The following DPYD variants were observed in gnomAD, a reference collection of about 807,000 sequenced individuals.
DPYD encodes dihydropyrimidine dehydrogenase [NADP(+)].
In DPYD, 109 loss-of-function variants were observed where a neutral mutation model predicts 116.2. That is an observed-to-expected ratio of 0.94 (90% confidence interval 0.80 to 1.10). The LOEUF is 1.10. Ranked by LOEUF, DPYD falls within the 50% of genes least tolerant of loss-of-function variation. The pLI, the probability that DPYD is intolerant of heterozygous loss-of-function variation, is 0.00. For synonymous variants in DPYD, 440 were observed against 432.0 expected (o/e 1.02, Z -0.23); for missense variants, 1,302 against 1,254.5 (o/e 1.04, Z -0.57).
chr1:97,664,293 G>A (rs964445374), intron 8 of DPYD, among the ~76,000 whole-genome samples: 6 of 151,524 alleles, frequency 4.0e-5, no homozygotes, highest in African/African-American at 1.5e-4. Context: ...AGGTCATGAG[G>A]GCATATATAT....
intron 12 of DPYD, among the ~76,000 whole-genome samples, chr1:97,541,456 G>A (rs1170797448): frequency 1.3e-5 from 2 of 152,074 alleles, no homozygotes; most frequent in Non-Finnish European, 2.9e-5. Flanking sequence ...CGAAGGTCTT[G>A]TACCACTTTT....
rs575922655 is a variant in DPYD, at chr1:97,527,368, T to C, written c.1525-11427A>G. On this transcript the variant is annotated intron_variant, in intron 12 of 22. Coordinates refer to ENST00000370192, the MANE Select transcript of DPYD (RefSeq NM_000110.4). ...CTGGGATTACAGGCGTGAGCCACCA[T>C]GCCCAGCTGCTGCCCCCATCTTACA... 5.5e-3 allele frequency among the ~76,000 whole-genome samples: 832 copies of C among 152,200 alleles called. 3 individuals carry two copies. The highest frequency in any genetic ancestry group is 0.012 in the African/African-American group (491 of 41,548).
chr1:97,313,806 T>C (rs532321677), intron 16 of DPYD, among the ~76,000 whole-genome samples: 1 of 152,070 alleles, frequency 6.6e-6, no homozygotes, highest in South Asian at 2.1e-4. Flanking sequence ...TATCACAGTG[T>C]TTTATAGTCA....
chr1:97,314,523 A>G (rs1307872818), intron 16 of DPYD, among the ~76,000 whole-genome samples: 1 of 145,404 alleles, frequency 6.9e-6, no homozygotes, highest in Non-Finnish European at 1.5e-5. Flanking sequence ...CAAATGGACA[A>G]GAATTGCCAT....
intron 13 of DPYD, among the ~76,000 whole-genome samples, chr1:97,463,596 C>G (rs1363456066): frequency 6.6e-6 from 1 of 152,014 alleles, no homozygotes; most frequent in Non-Finnish European, 1.5e-5. Flanking sequence ...GTTTGGAGAG[C>G]TCAGAAAAAG....
At chr1:97,837,412 A>G (rs1305988724) in intron 2 of DPYD, among the ~76,000 whole-genome samples, 2 of 152,150 alleles carry the variant, frequency 1.3e-5, no homozygotes, top group East Asian at 3.8e-4. Flanking sequence ...TTCAGAAGGC[A>G]TTTTAAAATT....
intron 20 of DPYD, among the ~76,000 whole-genome samples, chr1:97,144,158 A>G (rs1179148245): frequency 1.3e-5 from 2 of 152,220 alleles, no homozygotes; most frequent in African/African-American, 4.8e-5. Context: ...TGACTTTTTA[A>G]AGCAAAAAGA....
At chr1:97,358,138 C>T (rs770553457) in intron 16 of DPYD, among the ~76,000 whole-genome samples, 14 of 152,206 alleles carry the variant, frequency 9.2e-5, no homozygotes, top group South Asian at 2.1e-4. Context: ...AATGGCACAC[C>T]AGGAGATTAT....
intron 3 of DPYD, among the ~76,000 whole-genome samples, chr1:97,796,218 G>C (rs993205312): frequency 6.6e-6 from 1 of 152,012 alleles, no homozygotes. Context: ...AATTCTGTTA[G>C]GTAGGCATTA....
At chr1:97,802,966 A>G (rs943488955) in intron 3 of DPYD, among the ~76,000 whole-genome samples, 5 of 151,944 alleles carry the variant, frequency 3.3e-5, no homozygotes, top group African/African-American at 1.2e-4. Flanking sequence ...GGCAAAGTTT[A>G]AATGATTCAA....
chr1:97,757,142 A>T (rs1665296442), intron 3 of DPYD, among the ~76,000 whole-genome samples: 1 of 152,206 alleles, frequency 6.6e-6, no homozygotes, highest in Admixed American at 6.5e-5. Flanking sequence ...TGTTAGGTCC[A>T]GGGTCAAGGG....
intron 1 of DPYD, among the ~76,000 whole-genome samples, chr1:97,906,318 A>G (rs1673617813): frequency 6.6e-6 from 1 of 152,094 alleles, no homozygotes; most frequent in Non-Finnish European, 1.5e-5. Context: ...GTGAATTTAT[A>G]ACATGCTTAT....
At chr1:97,869,274 T>C (rs755888135) in intron 2 of DPYD, among the ~76,000 whole-genome samples, 1 of 151,846 alleles carries the variant, frequency 6.6e-6, no homozygotes, top group Non-Finnish European at 1.5e-5. Context: ...TCTATGCCAA[T>C]AAACTTGTGG....
chr1:97,510,403 T>C (rs536420081), intron 13 of DPYD, among the ~76,000 whole-genome samples: 2 of 152,094 alleles, frequency 1.3e-5, no homozygotes, highest in African/African-American at 4.8e-5. Flanking sequence ...GTGTTGGGTA[T>C]ATGGAAGATA....
intron 8 of DPYD, among the ~76,000 whole-genome samples, chr1:97,617,388 G>T (rs2786506): frequency 0.015 from 2,325 of 152,234 alleles, 51 homozygotes; most frequent in African/African-American, 0.053. Flanking sequence ...AGCAACAGTG[G>T]CTGTGTCAGA....
At chr1:97,137,815 A>G (rs1007552117) in intron 20 of DPYD, among the ~76,000 whole-genome samples, 5 of 152,318 alleles carry the variant, frequency 3.3e-5, no homozygotes, top group African/African-American at 1.2e-4. Flanking sequence ...CATCTTGGGA[A>G]CATCTCTGGC....
intron 11 of DPYD, among the ~76,000 whole-genome samples, chr1:97,552,266 G>T (rs1227556665): frequency 6.6e-6 from 1 of 152,068 alleles, no homozygotes; most frequent in Non-Finnish European, 1.5e-5. Context: ...ACAGTGAATT[G>T]TACACAGGAG....
intron 20 of DPYD, among the ~76,000 whole-genome samples, chr1:97,159,453 A>C (rs1329328037): frequency 6.6e-6 from 1 of 152,006 alleles, no homozygotes; most frequent in Non-Finnish European, 1.5e-5. Flanking sequence ...TGAAGTTCTA[A>C]TATATATTCA....
intron 18 of DPYD, among the ~76,000 whole-genome samples, chr1:97,251,654 TAC>T (rs1201876959): frequency 6.6e-6 from 1 of 151,966 alleles, no homozygotes; most frequent in African/African-American, 2.4e-5. Context: ...CACACAAACA[TAC>T]ACATACACAC....
Sources: allele counts gnomAD v4.1 joint callset (sites outside exome capture counted in the v4.1 genomes callset), GRCh38; gene constraint gnomAD v4.1.1; transcripts MANE v1.5; gene names NCBI Gene and HGNC (gene_info 2026-07-23, HGNC 2026-07-21).